The following CRADD variants were observed in gnomAD, a reference collection of about 807,000 sequenced individuals.
CRADD encodes the protein CARD and death domain containing adaptor protein.
CRADD carries 9 observed loss-of-function variants against 15.5 expected under a neutral mutation model. The observed-to-expected ratio is 0.58, with a 90% CI of 0.35 to 1.01. The LOEUF (loss-of-function observed/expected upper bound fraction) is 1.01. CRADD is among the 50% of genes least tolerant of loss of function. CRADD has a pLI of 0.02. For synonymous variants in CRADD, 118 were observed against 107.6 expected (o/e 1.10, Z -0.60); for missense variants, 227 against 250.3 (o/e 0.91, Z 0.63).
At chr12:93,772,420 T>C (rs1957094105) in intron 2 of CRADD, among the ~76,000 whole-genome samples, 1 of 152,250 alleles carries the variant, frequency 6.6e-6, no homozygotes, top group Non-Finnish European at 1.5e-5. Context: ...TTTAGAACTC[T>C]TGAAGTCAGG....
At position 93,755,401 on chromosome 12, in the gene CRADD, T is replaced by A. The variant is rs536168603; in HGVS notation, c.298+76329T>A. On this transcript the variant is annotated intron_variant, in intron 2 of 2. Transcript: ENST00000332896. The stretch of plus-strand genomic sequence containing the variant: ...TCACCTTCTAATTTGGAAAATTTTT[T>A]AAATCTCTGTTCTAGCTTTGTCATA... Among the ~76,000 whole-genome samples the A allele has an allele frequency of 2.0e-3, 298 of 152,346 alleles. 1 individual carries two copies. Among genetic ancestry groups the A allele is most frequent in the Middle Eastern group, 6.8e-3 (2 of 294 alleles).
At chr12:93,704,377 A>T (rs923790971) in intron 2 of CRADD, among the ~76,000 whole-genome samples, 1 of 152,080 alleles carries the variant, frequency 6.6e-6, no homozygotes, top group Non-Finnish European at 1.5e-5. Flanking sequence ...TTCTCTAAAC[A>T]TCCTTCTGTG....
rs1411453217 is a variant in CRADD at position 93,748,315 on chromosome 12, T to G, written c.298+69243T>G. Among the ~76,000 whole-genome samples the G allele has an allele frequency of 2.0e-5, 3 of 152,142 alleles. No individual in the cohort carries two copies. The East Asian group carries it at 5.8e-4, about 29-fold the overall frequency. On this transcript the variant is annotated intron_variant, in intron 2 of 2. Coordinates refer to ENST00000332896, the MANE Select transcript of CRADD (RefSeq NM_003805.5). Reference sequence around the variant, plus strand: ...TTCTTCTTTTTTTGGTTTTGTTTTATTTTATTTGAGATGGAGTTTCACTCT... The same window carrying G: ...TTCTTCTTTTTTTGGTTTTGTTTTAGTTTATTTGAGATGGAGTTTCACTCT...
At chr12:93,859,108 G>A (rs1958298486) in intron 2 of CRADD, among the ~76,000 whole-genome samples, 1 of 152,186 alleles carries the variant, frequency 6.6e-6, no homozygotes, top group Admixed American at 6.5e-5. Flanking sequence ...GTCTTTACAT[G>A]CACAGTGGGG....
chr12:93,788,602 T>C (rs1196062893), intron 2 of CRADD, among the ~76,000 whole-genome samples: 1 of 152,230 alleles, frequency 6.6e-6, no homozygotes, highest in Non-Finnish European at 1.5e-5. Flanking sequence ...GATTCAGGAA[T>C]GTTCTTGATT....
At chr12:93,866,454 G>A (rs1254498238) in intron 2 of CRADD, among the ~76,000 whole-genome samples, 2 of 152,052 alleles carry the variant, frequency 1.3e-5, no homozygotes, top group Non-Finnish European at 2.9e-5. Flanking sequence ...TTTGAAAATA[G>A]CATCCTATTG....
chr12:93,777,040 T>C (rs1957147599), intron 2 of CRADD, among the ~76,000 whole-genome samples: 1 of 152,232 alleles, frequency 6.6e-6, no homozygotes. Flanking sequence ...ATGTGAATTT[T>C]ATGTCATTAA....
chr12:93,690,748 A>T lies in CRADD; in HGVS notation c.298+11676A>T, dbSNP rs183110479. 2.0e-5 allele frequency among the ~76,000 whole-genome samples: 3 copies of T among 152,342 alleles called. No homozygotes were observed. The South Asian group carries it at 6.2e-4, about 32-fold the overall frequency. On this transcript the variant is annotated intron_variant, in intron 2 of 2. Coordinates refer to ENST00000332896, the MANE Select transcript of CRADD (RefSeq NM_003805.5). ...GGTTCAAACACTGACAGTCTGGCTC[A>T]CAGTCTGTGCTTCTAATCACTAGGG... is the stretch of plus-strand genomic sequence containing the variant.
rs528833259 is a variant in CRADD, at chr12:93,863,096, T to G, written c.299-30954T>G. On this transcript the variant is annotated intron_variant, in intron 2 of 2. Transcript: ENST00000548483. ...TCTGTCACATTTTTTATTATATGAC[T>G]TGTATCCTTGCAAAATATCCCCTGG... Among the ~76,000 whole-genome samples the G allele has an allele frequency of 4.5e-4, 69 of 152,336 alleles. 1 individual carries two copies. The highest frequency in any genetic ancestry group is 3.3e-3 in the Admixed American group (50 of 15,308).
intron 2 of CRADD, among the ~76,000 whole-genome samples, chr12:93,832,913 T>C (rs1421831268): frequency 6.6e-6 from 1 of 152,242 alleles, no homozygotes; most frequent in Non-Finnish European, 1.5e-5. Context: ...AGCATTTTGG[T>C]AAACAGACAA....
chr12:93,701,044 T>C (rs887793452), intron 2 of CRADD, among the ~76,000 whole-genome samples: 4 of 140,462 alleles, frequency 2.8e-5, no homozygotes, highest in Non-Finnish European at 5.9e-5. Flanking sequence ...AAATAAAAGA[T>C]GTTGTTTTTT....
At chr12:93,842,433 A>G (rs1958060219) in intron 2 of CRADD, among the ~76,000 whole-genome samples, 1 of 152,062 alleles carries the variant, frequency 6.6e-6, no homozygotes, top group African/African-American at 2.4e-5. Flanking sequence ...CGGGAACTTG[A>G]CTTGGAGGGC....
At chr12:93,683,061 G>A (rs1313239795) in intron 2 of CRADD, among the ~76,000 whole-genome samples, 8 of 152,180 alleles carry the variant, frequency 5.3e-5, no homozygotes, top group Admixed American at 6.5e-5. Flanking sequence ...GGACAGTGCC[G>A]TGTCTGGGTG....
intron 2 of CRADD, chr12:93,790,666 T>G (rs1467830502): frequency 6.6e-6 from 1 of 152,108 alleles, no homozygotes; most frequent in East Asian, 1.9e-4. Context: ...AATCTGTGGT[T>G]TAATCCACTG....
chr12:93,784,877 A>G (rs1183831639), intron 2 of CRADD, among the ~76,000 whole-genome samples: 1 of 152,252 alleles, frequency 6.6e-6, no homozygotes, highest in Non-Finnish European at 1.5e-5. Flanking sequence ...TTTGGTATAA[A>G]TAAAAAGTCG....
intron 2 of CRADD, among the ~76,000 whole-genome samples, chr12:93,756,005 A>G (rs1420264054): frequency 1.3e-5 from 2 of 152,230 alleles, no homozygotes; most frequent in Non-Finnish European, 1.5e-5. Flanking sequence ...AAAGATAAAG[A>G]TATCAAGTCA....
intron 2 of CRADD, among the ~76,000 whole-genome samples, chr12:93,698,121 G>C (rs756904874): frequency 6.6e-6 from 1 of 152,170 alleles, no homozygotes; most frequent in Non-Finnish European, 1.5e-5. Flanking sequence ...CGGGAGAATT[G>C]TGGGAGCTGA....
intron 2 of CRADD, among the ~76,000 whole-genome samples, chr12:93,777,265 T>C (rs751641004): frequency 6.6e-6 from 1 of 152,162 alleles, no homozygotes; most frequent in Non-Finnish European, 1.5e-5. Context: ...TGGAGTTTTT[T>C]CCCCTAACAG....
chr12:93,822,796 G>T (rs1172439332), intron 2 of CRADD, among the ~76,000 whole-genome samples: 4 of 152,184 alleles, frequency 2.6e-5, no homozygotes, highest in South Asian at 2.1e-4. Flanking sequence ...ACTCTGTAAT[G>T]ATTAAGCCAA....
Sources: allele counts gnomAD v4.1 joint callset (sites outside exome capture counted in the v4.1 genomes callset), GRCh38; gene constraint gnomAD v4.1.1; transcripts MANE v1.5; gene names NCBI Gene and HGNC (gene_info 2026-07-23, HGNC 2026-07-21).